The following RBMXL3 variants were observed in gnomAD, a reference collection of about 807,000 sequenced individuals.
The protein encoded by RBMXL3 is RNA-binding motif protein, X-linked-like-3.
RBMXL3 carries 2 observed loss-of-function variants against 0.8 expected under a neutral mutation model. The observed-to-expected ratio is 2.54, with a 90% CI of 1.04 to 8.00. RBMXL3 has a LOEUF of 8.00. Among genes scored for constraint, RBMXL3 ranks in the 30% most tolerant of loss-of-function variants. The pLI is 0.04. For missense variants in RBMXL3, 1,127 were observed against 1,068.0 expected, an observed-to-expected ratio of 1.06 and a Z score of -0.77; for synonymous variants, 447 against 449.8, an observed-to-expected ratio of 0.99 and a Z score of 0.08.
In RBMXL3 at chrX:115,192,342, C is replaced by T. The variant is rs151176784; in HGVS notation, c.2901C>T (p.Ser967=). 0.024 allele frequency: 25,797 copies of T among 1,083,633 alleles called. 261 individuals are homozygous for T. Among genetic ancestry groups the T allele is most frequent in the Non-Finnish European group, 0.028 (22,772 of 812,274 alleles). 89.3% of individuals were successfully genotyped at this position (1,083,633 alleles called of 1,213,427 possible). A position where few individuals can be genotyped will look rare whatever the true frequency, so the allele number is the denominator to read the frequency against. The part of the protein sequence containing the change: ...PDAHSGGRDS[S]IKSYGLSDRY... Reference sequence around the variant, plus strand: ...CCCACAGTGGGGGCCGCGACAGTTCCATCAAGAGTTACGGCCTGAGCGACC... The same window carrying T: ...CCCACAGTGGGGGCCGCGACAGTTCTATCAAGAGTTACGGCCTGAGCGACC... The change falls in exon 1 of 1, where the codon TCC becomes TCT. Residue 967 remains serine, a synonymous_variant. Transcript: ENST00000424776.
Position 115,190,572 on chromosome X carries a change from C to CA in RBMXL3, c.1132dup (p.Ser378LysfsTer4). 2.8e-6 allele frequency: 3 copies of CA among 1,057,292 alleles called. No homozygotes were observed. Among genetic ancestry groups the CA allele is most frequent in the Non-Finnish European group, 3.7e-6 (3 of 811,173 alleles). 87.1% of individuals were successfully genotyped at this position (1,057,292 alleles called of 1,213,427 possible). A position where few individuals can be genotyped will look rare whatever the true frequency, so the allele number is the denominator to read the frequency against. ...GCCGCAGCAGTTCCAGTAACGGTTA[C>CA]AGCCGGAGTGACCGCTACGGAGAAG... On this transcript the variant is annotated frameshift_variant, in exon 1 of 1. Transcript: ENST00000424776. LOFTEE classifies it low-confidence loss of function (END_TRUNC).
At position 115,190,468 on chromosome X, in the gene RBMXL3, G is replaced by GGCC. The variant is rs1216475678; in HGVS notation, c.1030_1032dup (p.Arg344dup). 5.1e-6 allele frequency: 6 copies of GGCC among 1,167,759 alleles called. No homozygotes were observed. Among genetic ancestry groups the GGCC allele is most frequent in the Non-Finnish European group, 6.9e-6 (6 of 873,091 alleles). On this transcript the variant is annotated inframe_insertion, in exon 1 of 1. Coordinates refer to ENST00000424776, the MANE Select transcript of RBMXL3 (RefSeq NM_001145346.2). ...CAACTCGCCCGATGCCTGCAGTGAA[G>GGCC]GCCGCTCGTCCGAGGCCTTGCCAGT...
Position 115,190,053 on chromosome X carries a change from C to T in RBMXL3, c.612C>T (p.His204=). Residue 204 remains histidine (H), a synonymous_variant, in exon 1 of 1, where the codon CAC becomes CAT. Transcript: ENST00000424776. The stretch of plus-strand genomic sequence containing the variant: ...CACGGCGCTGGGCCGGCCCACCCCA[C>T]AAGAGGGCTGTGCCCCGGTCAAGCC... ...LQPRRWAGPP[H]KRAVPRSSLA... 5 of 1,156,670 alleles carry T rather than the reference C, an allele frequency of 4.3e-6. No individual in the cohort carries two copies. The highest frequency in any genetic ancestry group is 5.8e-6 in the Non-Finnish European group (5 of 868,445).
At position 115,190,511 on chromosome X, in the gene RBMXL3, A is replaced by G. The variant is rs1556557339; in HGVS notation, c.1070A>G (p.Tyr357Cys). The change falls in exon 1 of 1, where the codon TAC (tyrosine) becomes TGC (cysteine). Residue 357 changes from tyrosine (Y) to cysteine (C), a missense_variant. Transcript: ENST00000424776. ...EALPVVLPDA[Y>C]SRDHSPKAYS... is the part of the protein sequence containing the mutation. ...TTGCCAGTCGTCTTGCCAGACGCCT[A>G]CAGCAGGGACCACTCGCCCAAAGCC... 1.7e-6 allele frequency: 2 copies of G among 1,167,472 alleles called. No homozygotes were observed. Among genetic ancestry groups the G allele is most frequent in the Admixed American group, 2.6e-5 (1 of 38,849 alleles).
Position 115,192,042 on chromosome X carries a change from C to T in RBMXL3, c.2601C>T (p.Arg867=), listed in dbSNP as rs1417433147. The T allele has an allele frequency of 1.5e-5, 17 of 1,166,002 alleles. No individual in the cohort carries two copies. The African/African-American group carries it at 2.7e-4, about 18-fold the overall frequency. ...GGGHYEEYRG[R]SHDTHSRGRS... ...GCCACTACGAAGAGTACCGAGGCCG[C>T]TCGCACGACACCCACAGCAGGGGCC... The change falls in exon 1 of 1, where the codon CGC becomes CGT. Residue 867 remains arginine, a synonymous_variant. Transcript: ENST00000424776.
rs1272513067 is a variant in RBMXL3 at position 115,190,062 on chromosome X, T to A, written c.621T>A (p.Ala207=). 8.7e-7 allele frequency: 1 copy of A among 1,154,649 alleles called. No homozygotes were observed. Among genetic ancestry groups the A allele is most frequent in the Non-Finnish European group, 1.2e-6 (1 of 866,902 alleles). The change falls in exon 1 of 1, where the codon GCT becomes GCA. Residue 207 remains alanine, a synonymous_variant. Transcript: ENST00000424776. The part of the protein sequence containing the change: ...RRWAGPPHKR[A]VPRSSLARIG... ...GGGCCGGCCCACCCCACAAGAGGGC[T>A]GTGCCCCGGTCAAGCCTGGCTCGCA...
chrX:115,192,657 C>G lies in RBMXL3; in HGVS notation c.*12C>G, dbSNP rs1556561651. On this transcript the variant is annotated 3_prime_UTR_variant, in exon 1 of 1. Transcript: ENST00000424776. ...GGAGCAGATACTAAGCAGGAACAGACTTGGGCCCAAAAATTCCTTTTCAAA... is the reference window on the plus strand; with the variant it reads ...GGAGCAGATACTAAGCAGGAACAGAGTTGGGCCCAAAAATTCCTTTTCAAA... 8.6e-7 allele frequency: 1 copy of G among 1,163,010 alleles called. No homozygotes were observed. Among genetic ancestry groups the G allele is most frequent in the African/African-American group, 1.8e-5 (1 of 55,927 alleles).
chrX:115,190,457 C>T lies in RBMXL3; in HGVS notation c.1016C>T (p.Ala339Val), dbSNP rs1296418650. The T allele has an allele frequency of 8.6e-7, 1 of 1,166,112 alleles. No homozygotes were observed. The highest frequency in any genetic ancestry group is 1.1e-6 in the Non-Finnish European group (1 of 872,702). ...GAGTACCAGGGCAACTCGCCCGATG[C>T]CTGCAGTGAAGGCCGCTCGTCCGAG... ...YEEYQGNSPD[A>V]CSEGRSSEAL... Residue 339 changes from alanine to valine, a missense_variant, in exon 1 of 1, where the codon GCC becomes GTC. Ala to Val is a moderately conservative substitution (Grantham distance 64, BLOSUM62 0). Coordinates refer to ENST00000424776, the MANE Select transcript of RBMXL3 (RefSeq NM_001145346.2).
Position 115,189,550 on chromosome X carries a change from G to A in RBMXL3, c.109G>A (p.Val37Met), listed in dbSNP as rs1421233170. The change falls in exon 1 of 1, where the codon GTG becomes ATG. Residue 37 changes from valine (V) to methionine (M), a missense_variant. Physicochemically the swap from Val to Met is conservative, Grantham distance 21. Coordinates refer to ENST00000424776, the MANE Select transcript of RBMXL3 (RefSeq NM_001145346.2). ...EFGKYGHIIK[V>M]FLMKDRKTNK... ...TGGCAAGTATGGCCACATCATCAAG[G>A]TGTTCCTGATGAAAGACCGAAAAAC... is the stretch of plus-strand genomic sequence containing the variant. The A allele has an allele frequency of 7.6e-6, 9 of 1,176,477 alleles. No homozygotes were observed. Among genetic ancestry groups the A allele is most frequent in the Non-Finnish European group, 1.0e-5 (9 of 877,491 alleles).
Position 115,190,776 on chromosome X carries a change from G to C in RBMXL3, c.1335G>C (p.Arg445Ser). 1 of 1,166,282 alleles carries C rather than the reference G, an allele frequency of 8.6e-7. No homozygotes were observed. The highest frequency in any genetic ancestry group is 1.1e-6 in the Non-Finnish European group (1 of 872,680). Residue 445 changes from arginine to serine, a missense_variant, in exon 1 of 1, where the codon AGG becomes AGC. Arg to Ser is a moderately radical substitution (Grantham distance 110). Coordinates refer to ENST00000424776, the MANE Select transcript of RBMXL3 (RefSeq NM_001145346.2). ...SGGRSTDAHS[R>S]GRSDDAYSGG... ...GCCGCTCCACTGATGCCCACAGCAG[G>C]GGCCGGTCCGACGACGCCTACAGTG...
At position 115,191,906 on chromosome X, in the gene RBMXL3, G is replaced by A. The variant is rs1556560435; in HGVS notation, c.2465G>A (p.Arg822Gln). 5 of 1,165,432 alleles carry A rather than the reference G, an allele frequency of 4.3e-6. No homozygotes were observed. Among genetic ancestry groups the A allele is most frequent in the East Asian group, 3.3e-5 (1 of 30,624 alleles). ...GGAGGAGGCCGCTACGAGGAGAACC[G>A]AGGTCACTCTCTCGATGCCAACAGC... Reference protein sequence around the residue: ...CRGGGRYEENRGHSLDANSGG... With the variant: ...CRGGGRYEENQGHSLDANSGG... The change falls in exon 1 of 1, where the codon CGA becomes CAA. Residue 822 changes from arginine to glutamine, a missense_variant. Transcript: ENST00000424776.
At position 115,192,054 on chromosome X, in the gene RBMXL3, C is replaced by T. The variant is rs2072837885; in HGVS notation, c.2613C>T (p.Thr871=). 2 of 1,165,447 alleles carry T rather than the reference C, an allele frequency of 1.7e-6. No individual in the cohort carries two copies. The highest frequency in any genetic ancestry group is 2.3e-6 in the Non-Finnish European group (2 of 872,539). ...YEEYRGRSHD[T]HSRGRSPDAH... ...AGTACCGAGGCCGCTCGCACGACAC[C>T]CACAGCAGGGGCCGATCGCCCGATG... The change falls in exon 1 of 1, where the codon ACC becomes ACT. Residue 871 remains threonine (T), a synonymous_variant. Transcript: ENST00000424776.
Position 115,189,875 on chromosome X carries a change from C to T in RBMXL3, c.434C>T (p.Pro145Leu), listed in dbSNP as rs62601527. 13 of 1,163,556 alleles carry T rather than the reference C, an allele frequency of 1.1e-5. No homozygotes were observed. Among genetic ancestry groups the T allele is most frequent in the East Asian group, 6.5e-5 (2 of 30,602 alleles). Residue 145 changes from proline (P) to leucine (L), a missense_variant, in exon 1 of 1, where the codon CCG becomes CTG. Transcript: ENST00000424776. ...GYFDLWPYRA[P>L]MPRKRGPPPR... is the part of the protein sequence containing the mutation. ...TTCGACCTGTGGCCCTACAGGGCCC[C>T]GATGCCCAGGAAGCGCGGGCCGCCA...
chrX:115,190,311 G>C lies in RBMXL3; in HGVS notation c.870G>C (p.Glu290Asp), dbSNP rs949637880. 6.9e-6 allele frequency: 8 copies of C among 1,155,394 alleles called. No individual in the cohort carries two copies. The highest frequency in any genetic ancestry group is 9.2e-6 in the Non-Finnish European group (8 of 866,883). Residue 290 changes from glutamate to aspartate, a missense_variant, in exon 1 of 1, where the codon GAG (glutamate) becomes GAC (aspartate). Glu to Asp is a conservative substitution (Grantham distance 45, BLOSUM62 2). Coordinates refer to ENST00000424776, the MANE Select transcript of RBMXL3 (RefSeq NM_001145346.2). ...NQNGYRGRDH[E>D]YTDHPSKGSY... Reference sequence around the variant, plus strand: ...ATGGCTACAGGGGTCGCGACCATGAGTACACAGATCATCCCAGCAAAGGCT... The same window carrying C: ...ATGGCTACAGGGGTCGCGACCATGACTACACAGATCATCCCAGCAAAGGCT...
Position 115,190,181 on chromosome X carries a change from G to T in RBMXL3, c.740G>T (p.Arg247Leu). ...PRVREPLPPC[R>L]DPGDFVPALR... ...GTCCGGGAGCCACTGCCCCCGTGCC[G>T]CGACCCTGGGGATTTTGTCCCTGCG... The change falls in exon 1 of 1, where the codon CGC becomes CTC. Residue 247 changes from arginine to leucine, a missense_variant. By Grantham distance (102) the Arg-to-Leu change is moderately radical. Coordinates refer to ENST00000424776, the MANE Select transcript of RBMXL3 (RefSeq NM_001145346.2). 8.6e-7 allele frequency: 1 copy of T among 1,166,209 alleles called. No individual in the cohort carries two copies. The highest frequency in any genetic ancestry group is 1.1e-6 in the Non-Finnish European group (1 of 872,364).
Position 115,191,370 on chromosome X carries a change from A to G in RBMXL3, c.1929A>G (p.Gly643=), listed in dbSNP as rs1556559203. 8.7e-7 allele frequency: 1 copy of G among 1,143,293 alleles called. No homozygotes were observed. The highest frequency in any genetic ancestry group is 1.2e-6 in the Non-Finnish European group (1 of 860,217). The allele number at this position is 1,143,293 out of a possible 1,213,427, so 94.2% of individuals were successfully genotyped here. A position where few individuals can be genotyped will look rare whatever the true frequency, so the allele number is the denominator to read the frequency against. Residue 643 remains glycine (G), a synonymous_variant, in exon 1 of 1, where the codon GGA becomes GGG. Transcript: ENST00000424776. ...YRGRSLDANS[G]GRSPDAYSGG... ...GCCGCTCCCTTGATGCCAACAGTGG[A>G]GGCCGCTCGCCTGATGCCTACAGTG... is the stretch of plus-strand genomic sequence containing the variant.
Position 115,192,157 on chromosome X carries a change from C to A in RBMXL3, c.2716C>A (p.His906Asn). The A allele has an allele frequency of 1.7e-6, 2 of 1,167,239 alleles. No individual in the cohort carries two copies. The highest frequency in any genetic ancestry group is 2.3e-6 in the Non-Finnish European group (2 of 872,929). Residue 906 changes from histidine (H) to asparagine (N), a missense_variant, in exon 1 of 1, where the codon CAT (histidine) becomes AAT (asparagine). Coordinates refer to ENST00000424776, the MANE Select transcript of RBMXL3 (RefSeq NM_001145346.2). The stretch of plus-strand genomic sequence containing the variant: ...CAGCAACAGCTATGGCCGGAGTGAC[C>A]ATTACGGAAGAGGAGGCTGCTACGA... ...SFSNSYGRSD[H>N]YGRGGCYEEY... is the part of the protein sequence containing the mutation.
rs200347112 is a variant in RBMXL3 at position 115,191,495 on chromosome X, C to T, written c.2054C>T (p.Ser685Leu). ...CTCGATGCCAACAGTGGAGGCCGCT[C>T]GCCTGATGCCTACAGTGGGGGCCAC... The part of the protein sequence containing the change: ...RLLDANSGGR[S>L]PDAYSGGHDS... The change falls in exon 1 of 1, where the codon TCG (serine) becomes TTG (leucine). Residue 685 changes from serine (S) to leucine (L), a missense_variant. Physicochemically the swap from Ser to Leu is moderately radical, Grantham distance 145. Coordinates refer to ENST00000424776, the MANE Select transcript of RBMXL3 (RefSeq NM_001145346.2). 1,927 of 1,152,004 alleles carry T rather than the reference C, an allele frequency of 1.7e-3. 1 individual carries two copies. Among genetic ancestry groups the T allele is most frequent in the South Asian group, 1.9e-3 (98 of 51,759 alleles). 94.9% of individuals were successfully genotyped at this position (1,152,004 alleles called of 1,213,427 possible). A position where few individuals can be genotyped will look rare whatever the true frequency, so the allele number is the denominator to read the frequency against.
chrX:115,191,729 G>T lies in RBMXL3; in HGVS notation c.2288G>T (p.Gly763Val). The change falls in exon 1 of 1, where the codon GGC becomes GTC. Residue 763 changes from glycine (G) to valine (V), a missense_variant. By Grantham distance (109) the Gly-to-Val change is moderately radical. Transcript: ENST00000424776. ...CGCTTGCCTGACGCCTACAGTGGGG[G>T]CCATGACAGTTCCAGCCGGAGCCAC... ...SGRLPDAYSGGHDSSSRSHRY... is the reference protein window; with the variant it reads ...SGRLPDAYSGVHDSSSRSHRY... 1 of 1,163,933 alleles carries T rather than the reference G, an allele frequency of 8.6e-7. No individual in the cohort carries two copies. The highest frequency in any genetic ancestry group is 1.1e-6 in the Non-Finnish European group (1 of 872,129).
Sources: allele counts gnomAD v4.1 joint callset, GRCh38; gene constraint gnomAD v4.1.1; transcripts MANE v1.5; gene names NCBI Gene and HGNC (gene_info 2026-07-23, HGNC 2026-07-21).